DCP1A: variants seen among roughly 807,000 people sequenced by gnomAD.
DCP1A encodes mRNA-decapping enzyme 1A.
A neutral mutation model predicts 58.0 loss-of-function variants in DCP1A; 20 were observed. That is an observed-to-expected ratio of 0.34 (90% CI 0.24 to 0.50). The LOEUF (loss-of-function observed/expected upper bound fraction) is 0.50, where lower values mean the gene tolerates loss of function less well. Ranked by LOEUF, DCP1A falls within the 20% of genes least tolerant of loss-of-function variation. The probability of loss-of-function intolerance (pLI) is 0.98; values close to 1 mark genes in which losing one functional copy is unlikely to be tolerated. For missense variants in DCP1A, 613 were observed against 712.2 expected (o/e 0.86, Z 1.59); for synonymous variants, 285 against 275.1 (o/e 1.04, Z -0.36).
Position 53,290,841 on chromosome 3 carries a change from G to T in DCP1A, c.1399C>A (p.Gln467Lys). ...LAPLQSMQQN[Q>K]DPEVFVQPKV... ...GGCTGCACAAATACTTCAGGATCCTGGTTCTGCTGCATAGACTGAAATGTT... is the reference window on the plus strand; with the variant it reads ...GGCTGCACAAATACTTCAGGATCCTTGTTCTGCTGCATAGACTGAAATGTT... Residue 467 changes from glutamine (Q) to lysine (K), a missense_variant, in exon 8 of 10, where the codon CAG (glutamine) becomes AAG (lysine). Physicochemically the swap from Gln to Lys is moderately conservative, Grantham distance 53 (BLOSUM62 1). Coordinates refer to ENST00000610213, the MANE Select transcript of DCP1A (RefSeq NM_018403.7). 1 of 1,611,740 alleles carries T rather than the reference G, an allele frequency of 6.2e-7. No homozygotes were observed. The highest frequency in any genetic ancestry group is 8.5e-7 in the Non-Finnish European group (1 of 1,179,182).
At position 53,284,850 on chromosome 3, in the gene DCP1A, C is replaced by A. The variant is rs11551405; in HGVS notation, c.*2730G>T. ...TACCACATGTGGACAGCATGAAATG[C>A]TTCTTCTGACACTGAGAGTCACTTG... On this transcript the variant is annotated 3_prime_UTR_variant, in exon 10 of 10. Coordinates refer to ENST00000610213, the MANE Select transcript of DCP1A (RefSeq NM_018403.7). 24,949 of 152,036 alleles carry A rather than the reference C, an allele frequency of 0.16. 2,541 individuals are homozygous for A. The highest frequency in any genetic ancestry group is 0.28 in the Middle Eastern group (83 of 294). 9.4% of individuals were successfully genotyped at this position (152,036 alleles called of 1,614,324 possible).
At chr3:53,307,693 C>G (rs1381347617) in intron 5 of DCP1A, among the ~76,000 whole-genome samples, 1 of 152,074 alleles carries the variant, frequency 6.6e-6, no homozygotes, top group African/African-American at 2.4e-5. Flanking sequence ...ATCAGACAAA[C>G]CTGCTGGAGG....
intron 3 of DCP1A, among the ~76,000 whole-genome samples, chr3:53,331,582 C>T (rs2089004513): frequency 6.6e-6 from 1 of 151,088 alleles, no homozygotes; most frequent in Non-Finnish European, 1.5e-5. Flanking sequence ...TGTAAGTACA[C>T]TCTATGATGT....
chr3:53,296,893 T>C (rs1553686828), intron 6 of DCP1A, among the ~76,000 whole-genome samples: 2 of 152,230 alleles, frequency 1.3e-5, no homozygotes. Context: ...CTTTTGGGTA[T>C]ATACCCAGGA....
intron 4 of DCP1A, among the ~76,000 whole-genome samples, chr3:53,317,847 A>C (rs191889681): frequency 6.6e-6 from 1 of 152,340 alleles, no homozygotes; most frequent in Non-Finnish European, 1.5e-5. Flanking sequence ...TACACAAGTA[A>C]TAAACATGGC....
intron 3 of DCP1A, among the ~76,000 whole-genome samples, chr3:53,336,977 T>C (rs1384811554): frequency 6.6e-6 from 1 of 152,048 alleles, no homozygotes; most frequent in Non-Finnish European, 1.5e-5. Flanking sequence ...TTCAAGCGAT[T>C]CTCCTGCCTA....
At chr3:53,338,196 A>G (rs576041767) in intron 3 of DCP1A, 12 of 431,886 alleles carry the variant, frequency 2.8e-5, no homozygotes, top group South Asian at 9.8e-5. Context: ...CTGCTACTCA[A>G]TAACTCCAGA....
chr3:53,292,698 T>C lies in DCP1A; in HGVS notation c.754A>G (p.Lys252Glu), dbSNP rs1706958753. The C allele has an allele frequency of 3.7e-6, 6 of 1,613,860 alleles. No individual in the cohort carries two copies. Among genetic ancestry groups the C allele is most frequent in the Non-Finnish European group, 5.1e-6 (6 of 1,179,854 alleles). The change falls in exon 7 of 10, where the codon AAA (lysine) becomes GAA (glutamate). Residue 252 changes from lysine to glutamate, a missense_variant. Coordinates refer to ENST00000610213, the MANE Select transcript of DCP1A (RefSeq NM_018403.7). ...MERLPGDASQ[K>E]EPNSFLPFPF... ...AATGGTAGGAATGAATTGGGCTCTT[T>C]CTGGGAGGCATCTCCTGGCAACCTC...
chr3:53,347,518 C>T lies in DCP1A; in HGVS notation c.-1G>A. 1 of 1,610,288 alleles carries T rather than the reference C, an allele frequency of 6.2e-7. No individual in the cohort carries two copies. The highest frequency in any genetic ancestry group is 1.7e-5 in the Admixed American group (1 of 59,412). Reference sequence around the variant, plus strand: ...GCCCAGCTCGACTCAGCGCCTCCATCTTGAATCCCAGAGCCTAGCCCCTCT... The same window carrying T: ...GCCCAGCTCGACTCAGCGCCTCCATTTTGAATCCCAGAGCCTAGCCCCTCT... On this transcript the variant is annotated 5_prime_UTR_variant, in exon 1 of 10. Coordinates refer to ENST00000610213, the MANE Select transcript of DCP1A (RefSeq NM_018403.7).
At chr3:53,319,322 G>T in intron 4 of DCP1A, 85 bp downstream of exon 4, 1 of 881,968 alleles carries the variant, frequency 1.1e-6, no homozygotes, top group Non-Finnish European at 1.7e-6. Context: ...TGAGTTGGCA[G>T]ACTTTAGTAA....
chr3:53,339,666 T>C (rs1247044009), intron 3 of DCP1A, among the ~76,000 whole-genome samples: 2 of 152,192 alleles, frequency 1.3e-5, no homozygotes, highest in East Asian at 3.9e-4. Flanking sequence ...TGGTTACTCA[T>C]GGTTCAATTA....
intron 3 of DCP1A, among the ~76,000 whole-genome samples, chr3:53,334,764 C>T (rs1438328084): frequency 6.6e-6 from 1 of 152,188 alleles, no homozygotes; most frequent in African/African-American, 2.4e-5. Context: ...TTACCCGTCA[C>T]GCGCTGCAAA....
At position 53,283,894 on chromosome 3, in the gene DCP1A, T is replaced by C. The variant is rs1553684764; in HGVS notation, c.*3686A>G. On this transcript the variant is annotated 3_prime_UTR_variant, in exon 10 of 10. Coordinates refer to ENST00000610213, the MANE Select transcript of DCP1A (RefSeq NM_018403.7). ...GAATCACTGCACACATCTGTTGAAT[T>C]TGCTGAAAAACAGGCTCCTCAAGGC... 1 of 152,178 alleles carries C rather than the reference T, an allele frequency of 6.6e-6. No individual in the cohort carries two copies. Among genetic ancestry groups the C allele is most frequent in the East Asian group, 1.9e-4 (1 of 5,204 alleles). The allele number at this position is 152,178 out of a possible 1,614,324, so 9.4% of individuals were successfully genotyped here.
At chr3:53,334,978 TA>T (rs1341209124) in intron 3 of DCP1A, among the ~76,000 whole-genome samples, 1 of 151,812 alleles carries the variant, frequency 6.6e-6, no homozygotes, top group Non-Finnish European at 1.5e-5. Context: ...TAGCTGCAAC[TA>T]TGGAATATGC....
chr3:53,299,878 C>T (rs1707255447), intron 6 of DCP1A, among the ~76,000 whole-genome samples: 1 of 152,064 alleles, frequency 6.6e-6, no homozygotes. Flanking sequence ...GAGTCTTCCT[C>T]CCACCCCGAG....
At chr3:53,297,023 A>C (rs1575596703) in intron 6 of DCP1A, among the ~76,000 whole-genome samples, 2 of 152,348 alleles carry the variant, frequency 1.3e-5, no homozygotes, top group Middle Eastern at 6.8e-3. Context: ...CATGGTTGCC[A>C]GTATACAGCA....
In DCP1A at chr3:53,312,300, C is replaced by T. The variant is rs782127033; in HGVS notation, c.451G>A (p.Asp151Asn). 12 of 1,613,422 alleles carry T rather than the reference C, an allele frequency of 7.4e-6. No individual in the cohort carries two copies. The highest frequency in any genetic ancestry group is 1.1e-5 in the South Asian group (1 of 91,028). The change falls in exon 5 of 10, where the codon GAC (aspartate) becomes AAC (asparagine). Residue 151 changes from aspartate to asparagine, a missense_variant. Physicochemically the swap from Asp to Asn is conservative, Grantham distance 23. Around this residue, in one of 3 missense-constraint regions of DCP1A, gnomAD observed 498 missense variants for 556.7 expected, o/e 0.89. Coordinates refer to ENST00000610213, the MANE Select transcript of DCP1A (RefSeq NM_018403.7). ...TCCAGGATGTCGATGGGCCTGTGGT[C>T]GCTGCAGCCATTGGCCTGGCTGGGA... Reference protein sequence around the residue: ...QSPSQANGCSDHRPIDILEML... With the variant: ...QSPSQANGCSNHRPIDILEML...
intron 5 of DCP1A, among the ~76,000 whole-genome samples, chr3:53,307,856 A>G (rs1159295434): frequency 1.3e-5 from 2 of 152,240 alleles, no homozygotes; most frequent in African/African-American, 4.8e-5. Context: ...CAAGTTCTTA[A>G]TAGAATTAGA....
chr3:53,288,188 C>G lies in DCP1A; in HGVS notation c.1545G>C (p.Ser515=). Residue 515 remains serine, a synonymous_variant, in exon 9 of 10, where the codon TCG becomes TCC. Coordinates refer to ENST00000610213, the MANE Select transcript of DCP1A (RefSeq NM_018403.7). The part of the protein sequence containing the change: ...SVFQQTVTRS[S]DLERKASSPS... The stretch of plus-strand genomic sequence containing the variant: ...GGGAGCTGGCTTTCCTCTCAAGGTC[C>G]GAAGATCTTGTAACTGTCTGCTGGA... 1 of 1,613,894 alleles carries G rather than the reference C, an allele frequency of 6.2e-7. No homozygotes were observed. Among genetic ancestry groups the G allele is most frequent in the South Asian group, 1.1e-5 (1 of 91,078 alleles).
Sources: gnomAD v4.1 joint callset for allele counts (sites outside exome capture counted in the v4.1 genomes callset) on GRCh38, gnomAD v4.1.1 for gene constraint, gnomAD v4.1.1 regional missense constraint, MANE v1.5 for transcripts, NCBI Gene and HGNC (gene_info 2026-07-23, HGNC 2026-07-21) for gene names.